SESTD1: variants seen among roughly 807,000 people sequenced by gnomAD.
SESTD1 encodes SEC14 and spectrin domain containing 1.
In SESTD1, 43 loss-of-function variants were observed where a neutral mutation model predicts 101.7. The observed-to-expected ratio is 0.42, with a 90% confidence interval of 0.33 to 0.55. The LOEUF (loss-of-function observed/expected upper bound fraction) is 0.55. SESTD1 is among the 20% of genes least tolerant of loss of function. The pLI is 0.07. For missense variants in SESTD1, 647 were observed against 815.1 expected (o/e 0.79, Z 2.51); for synonymous variants, 283 against 286.8 (o/e 0.99, Z 0.13).
intron 10 of SESTD1, among the ~76,000 whole-genome samples, chr2:179,127,862 C>T (rs898699013): frequency 6.6e-6 from 1 of 152,030 alleles, no homozygotes; most frequent in African/African-American, 2.4e-5. Flanking sequence ...AAAATATTAC[C>T]TCAGAAAATT....
At chr2:179,133,666 CATA>C (rs1209988604) in intron 9 of SESTD1, among the ~76,000 whole-genome samples, 60 of 152,166 alleles carry the variant, frequency 3.9e-4, no homozygotes, top group African/African-American at 1.3e-3. Flanking sequence ...ATCTCTGCAG[CATA>C]ATATTATAGA....
chr2:179,156,680 T>C (rs2045638829), intron 5 of SESTD1, among the ~76,000 whole-genome samples: 1 of 152,198 alleles, frequency 6.6e-6, no homozygotes, highest in Non-Finnish European at 1.5e-5. Context: ...TTGTTTGCTT[T>C]TTTTCTTGCT....
intron 1 of SESTD1, among the ~76,000 whole-genome samples, chr2:179,239,481 A>T (rs1482801527): frequency 6.6e-6 from 1 of 152,196 alleles, no homozygotes; most frequent in East Asian, 1.9e-4. Context: ...AGAACTTTAA[A>T]AGTGACTGAA....
chr2:179,214,437 C>T (rs1341804823), intron 1 of SESTD1, among the ~76,000 whole-genome samples: 1 of 134,582 alleles, frequency 7.4e-6, no homozygotes, highest in Non-Finnish European at 1.6e-5. Context: ...ACAAGAAGAG[C>T]TAACTATCCT....
At chr2:179,137,329 T>C (rs2045168979) in intron 9 of SESTD1, among the ~76,000 whole-genome samples, 1 of 152,112 alleles carries the variant, frequency 6.6e-6, no homozygotes, top group African/African-American at 2.4e-5. Context: ...TGTAGAAGTA[T>C]GCAAAGTCAA....
chr2:179,215,900 T>C lies in SESTD1; in HGVS notation c.-25-24034A>G, dbSNP rs1255864112. Among the ~76,000 whole-genome samples, 2 of 135,298 alleles carry C rather than the reference T, an allele frequency of 1.5e-5. 1 individual carries two copies. The highest frequency in any genetic ancestry group is 3.2e-5 in the Non-Finnish European group (2 of 62,904). The allele number at this position is 135,298 out of a possible 152,430, so 88.8% of individuals were successfully genotyped here. A position where few individuals can be genotyped will look rare whatever the true frequency, so the allele number is the denominator to read the frequency against. The stretch of plus-strand genomic sequence containing the variant: ...ACCAACAACAAAAACCACATGATTA[T>C]ATCAACAGATGCAGAAAAGGCCTTC... On this transcript the variant is annotated intron_variant, in intron 1 of 17. Transcript: ENST00000428443.
chr2:179,194,174 T>A (rs940285174), intron 1 of SESTD1, among the ~76,000 whole-genome samples: 2 of 152,196 alleles, frequency 1.3e-5, no homozygotes, highest in South Asian at 4.1e-4. Context: ...ACCTACTCCA[T>A]CTGCTCCCTC....
rs546046609 is a variant in SESTD1 at position 179,112,667 on chromosome 2, G to A, written c.1961+57C>T. The A allele has an allele frequency of 6.9e-5, 103 of 1,491,622 alleles. 3 individuals carry two copies. The South Asian group carries it at 1.4e-3, about 20-fold the overall frequency. The allele number at this position is 1,491,622 out of a possible 1,614,324, so 92.4% of individuals were successfully genotyped here. On this transcript the variant is annotated intron_variant, in intron 17 of 17. Coordinates refer to ENST00000428443, the MANE Select transcript of SESTD1 (RefSeq NM_178123.5). The stretch of plus-strand genomic sequence containing the variant: ...TAAAGAATAGATTTCCTCTTTTAAT[G>A]ATTTCACTTTAAGACCACACCAATA...
intron 1 of SESTD1, among the ~76,000 whole-genome samples, chr2:179,259,358 G>A (rs895737353): frequency 6.6e-6 from 1 of 152,096 alleles, no homozygotes; most frequent in Non-Finnish European, 1.5e-5. Context: ...AGCCTCCTGA[G>A]TAGCTGGGAT....
intron 1 of SESTD1, among the ~76,000 whole-genome samples, chr2:179,244,582 C>T (rs1011043349): frequency 2.6e-5 from 4 of 151,286 alleles, no homozygotes; most frequent in African/African-American, 9.7e-5. Context: ...ATATTATAGG[C>T]TAGAGGGAGA....
intron 5 of SESTD1, among the ~76,000 whole-genome samples, chr2:179,153,650 G>C (rs2045571612): frequency 6.6e-6 from 1 of 151,856 alleles, no homozygotes; most frequent in Non-Finnish European, 1.5e-5. Flanking sequence ...AAAGAATCAG[G>C]TTTTGTTAAA....
chr2:179,166,171 C>A (rs1001493970), intron 5 of SESTD1, among the ~76,000 whole-genome samples: 1 of 152,016 alleles, frequency 6.6e-6, no homozygotes, highest in African/African-American at 2.4e-5. Context: ...AGTATAGACA[C>A]AAGAATTCAT....
At chr2:179,130,794 T>C (rs1171915164) in intron 10 of SESTD1, among the ~76,000 whole-genome samples, 1 of 152,030 alleles carries the variant, frequency 6.6e-6, no homozygotes, top group Non-Finnish European at 1.5e-5. Flanking sequence ...GAACAAATTG[T>C]AGACTCTAAC....
chr2:179,209,750 C>T lies in SESTD1; in HGVS notation c.-25-17884G>A, dbSNP rs1022916066. On this transcript the variant is annotated intron_variant, in intron 1 of 17. Coordinates refer to ENST00000428443, the MANE Select transcript of SESTD1 (RefSeq NM_178123.5). ...AGCTCATAGCATTAAATGCCTATTA[C>T]ATCAAAAAGTCGGAAAGTGCACAAA... is the stretch of plus-strand genomic sequence containing the variant. 6.0e-5 allele frequency among the ~76,000 whole-genome samples: 8 copies of T among 133,928 alleles called. 2 individuals are homozygous for T. Among genetic ancestry groups the T allele is most frequent in the African/African-American group, 2.1e-4 (7 of 33,844 alleles). 87.9% of individuals were successfully genotyped at this position (133,928 alleles called of 152,430 possible).
At chr2:179,232,370 AAAT>A (rs1295255919) in intron 1 of SESTD1, among the ~76,000 whole-genome samples, 2 of 152,064 alleles carry the variant, frequency 1.3e-5, no homozygotes, top group African/African-American at 4.8e-5. Context: ...CAGAGACTAG[AAAT>A]AATAAAGACA....
At chr2:179,196,713 G>A (rs60006637) in intron 1 of SESTD1, among the ~76,000 whole-genome samples, 1,692 of 152,172 alleles carry the variant, frequency 0.011, 32 homozygotes, top group African/African-American at 0.039. Flanking sequence ...CACCTCACAC[G>A]GCTGGGTACT....
At chr2:179,125,756 T>TATCA (rs1316872858) in intron 10 of SESTD1, among the ~76,000 whole-genome samples, 1 of 152,244 alleles carries the variant, frequency 6.6e-6, no homozygotes, top group Non-Finnish European at 1.5e-5. Flanking sequence ...TTTTTTTCAC[T>TATCA]ATCAGTCTCC....
chr2:179,142,343 G>C (rs1310624017), intron 9 of SESTD1, among the ~76,000 whole-genome samples: 10 of 152,156 alleles, frequency 6.6e-5, no homozygotes, highest in African/African-American at 2.4e-4. Flanking sequence ...CACTGATTGA[G>C]AGCTGGGTTC....
intron 1 of SESTD1, among the ~76,000 whole-genome samples, chr2:179,194,675 A>C (rs577573497): frequency 6.6e-6 from 1 of 152,312 alleles, no homozygotes; most frequent in South Asian, 2.1e-4. Flanking sequence ...ACAGAAGGAA[A>C]TATCATAATC....
Sources: allele counts gnomAD v4.1 joint callset (sites outside exome capture counted in the v4.1 genomes callset), GRCh38; gene constraint gnomAD v4.1.1; transcripts MANE v1.5; gene names NCBI Gene and HGNC (gene_info 2026-07-23, HGNC 2026-07-21).